HNRNPUL1: variants seen among roughly 807,000 people sequenced by gnomAD.
The protein encoded by HNRNPUL1 is heterogeneous nuclear ribonucleoprotein U like 1.
In HNRNPUL1, 14 loss-of-function variants were observed where a neutral mutation model predicts 108.5. The observed-to-expected ratio is 0.13, with a 90% confidence interval of 0.09 to 0.20. The LOEUF is 0.20. HNRNPUL1 is among the 10% of genes least tolerant of loss of function. HNRNPUL1 has a pLI of 1.00. For missense variants in HNRNPUL1, 804 were observed against 1,168.3 expected (o/e 0.69, Z 4.55); for synonymous variants, 422 against 445.2 (o/e 0.95, Z 0.66).
rs758463831 is a variant in HNRNPUL1, at chr19:41,292,482, G to A, written c.1237G>A (p.Val413Ile). ...LPLSERIRGT[V>I]GPKSKAECEI... ...CCTTAGTGAGCGTATCCGGGGCACC[G>A]TTGGACCAAAGAGCAAGGCAGAATG... The change falls in exon 8 of 15, where the codon GTT becomes ATT. Residue 413 changes from valine to isoleucine, a missense_variant. Coordinates refer to ENST00000392006, the MANE Select transcript of HNRNPUL1 (RefSeq NM_007040.6). The surrounding 1 kb of genome is among the most constrained non-coding windows in gnomAD (Gnocchi z 4.1). The A allele has an allele frequency of 1.9e-5, 30 of 1,613,058 alleles. No homozygotes were observed. Among genetic ancestry groups the A allele is most frequent in the Non-Finnish European group, 2.5e-5 (30 of 1,179,176 alleles).
At chr19:41,306,254 C>G (rs1284700733) in intron 14 of HNRNPUL1, among the ~76,000 whole-genome samples, 195 bp from the exon 15 acceptor site, 1 of 152,226 alleles carries the variant, frequency 6.6e-6, no homozygotes, top group Non-Finnish European at 1.5e-5. Context: ...CAAGCTGAGA[C>G]CTGGGCTTCA....
intron 7 of HNRNPUL1, chr19:41,286,406 CTTCTT>C (rs1465778691): frequency 3.9e-5 from 6 of 151,962 alleles, no homozygotes; most frequent in African/African-American, 7.3e-5. Context: ...GTCTGTATTC[CTTCTT>C]TTCTTTTTTT....
intron 12 of HNRNPUL1, 50 bp downstream of exon 12, chr19:41,302,999 G>A: frequency 1.3e-6 from 2 of 1,499,860 alleles, no homozygotes; most frequent in Non-Finnish European, 1.8e-6. Context: ...CCAGGTTGGG[G>A]CTGGGCTTTG....
chr19:41,298,982 A>G (rs1256977095), intron 10 of HNRNPUL1: 1 of 151,642 alleles, frequency 6.6e-6, no homozygotes, highest in Non-Finnish European at 1.5e-5. Flanking sequence ...GCACCTACCT[A>G]CTCTGAGCTT....
chr19:41,304,965 T>C (rs1008274686), intron 13 of HNRNPUL1, among the ~76,000 whole-genome samples: 1 of 152,190 alleles, frequency 6.6e-6, no homozygotes, highest in Non-Finnish European at 1.5e-5. Context: ...ACATCCTGTT[T>C]CTGTGAGCTT....
At chr19:41,282,405 C>G (rs1349086877) in intron 7 of HNRNPUL1, among the ~76,000 whole-genome samples, 1 of 152,286 alleles carries the variant, frequency 6.6e-6, no homozygotes, top group South Asian at 2.1e-4. Context: ...TGGTCTCGAA[C>G]TCCCGACCTC....
At chr19:41,305,926 G>A (rs911869400) in intron 14 of HNRNPUL1, 59 bp downstream of exon 14, 1 of 1,188,576 alleles carries the variant, frequency 8.4e-7, no homozygotes, top group Non-Finnish European at 1.2e-6. Context: ...CCTCCTGGGT[G>A]TGTATTCCCA....
intron 7 of HNRNPUL1, among the ~76,000 whole-genome samples, chr19:41,283,302 C>G (rs2036013669): frequency 6.6e-6 from 1 of 151,990 alleles, no homozygotes; most frequent in African/African-American, 2.4e-5. Context: ...TTTTTGAAGA[C>G]AGATTATTTT....
intron 7 of HNRNPUL1, among the ~76,000 whole-genome samples, chr19:41,289,460 G>C (rs990972942): frequency 7.2e-5 from 11 of 152,154 alleles, no homozygotes; most frequent in African/African-American, 2.2e-4. Context: ...GAGACACCAG[G>C]CTATAAAAAT....
At chr19:41,304,297 G>A (rs769508492) in intron 13 of HNRNPUL1, 36 bp downstream of exon 13, 84 of 1,549,472 alleles carry the variant, frequency 5.4e-5, no homozygotes, top group South Asian at 4.5e-4. Context: ...TGTAGTGATC[G>A]CACGTGTGCT....
chr19:41,276,557 C>A, intron 5 of HNRNPUL1: 1 of 359,190 alleles, frequency 2.8e-6, no homozygotes, highest in Non-Finnish European at 5.1e-6. Context: ...ATGTAGTCAA[C>A]CAGTGTAGTG....
intron 4 of HNRNPUL1, among the ~76,000 whole-genome samples, chr19:41,274,696 C>T (rs1381290563): frequency 1.3e-5 from 2 of 152,204 alleles, no homozygotes; most frequent in African/African-American, 4.8e-5. Context: ...TTTTTACATG[C>T]ACCCAGAAGC....
At chr19:41,280,357 T>C (rs1432935611) in intron 6 of HNRNPUL1, among the ~76,000 whole-genome samples, 1 of 152,048 alleles carries the variant, frequency 6.6e-6, no homozygotes, top group African/African-American at 2.4e-5. Context: ...CATAAATTGG[T>C]ACCTCCTCAA....
rs368487809 is a variant in HNRNPUL1, at chr19:41,268,287, C to T, written c.360C>T (p.Asn120=). The change falls in exon 2 of 15, where the codon AAC becomes AAT. Residue 120 remains asparagine (N), a synonymous_variant. Transcript: ENST00000392006. The part of the protein sequence containing the change: ...FYDTQVIKQE[N]ESGYERRPLE... ...ATACCCAAGTCATCAAACAAGAAAA[C>T]GAGTCAGGCTACGAGAGGAGACCAC... 16 of 1,613,828 alleles carry T rather than the reference C, an allele frequency of 9.9e-6. No homozygotes were observed. Among genetic ancestry groups the T allele is most frequent in the Admixed American group, 1.7e-5 (1 of 59,978 alleles).
rs1212190250 is a variant in HNRNPUL1 at position 41,265,958 on chromosome 19, G to A, written c.295+1160G>A. On this transcript the variant is annotated intron_variant, in intron 1 of 14. Coordinates refer to ENST00000392006, the MANE Select transcript of HNRNPUL1 (RefSeq NM_007040.6). The stretch of plus-strand genomic sequence containing the variant: ...TTTCTGGACCTGAGCGTCTCCAGGA[G>A]AAATCTCGACGGTTCCCAGAAGCAG... Among the ~76,000 whole-genome samples, 4 of 152,226 alleles carry A rather than the reference G, an allele frequency of 2.6e-5. No homozygotes were observed. In the East Asian group the frequency reaches 7.7e-4, roughly 29 times the overall value.
At chr19:41,281,337 C>A in intron 7 of HNRNPUL1, 62 bp downstream of exon 7, 1 of 1,065,388 alleles carries the variant, frequency 9.4e-7, no homozygotes, top group Non-Finnish European at 1.5e-6. Flanking sequence ...ACTTCTTTTT[C>A]AGGATACCTC....
At position 41,271,637 on chromosome 19, in the gene HNRNPUL1, C is replaced by G. The variant is rs376299061; in HGVS notation, c.419-445C>G. On this transcript the variant is annotated intron_variant, in intron 2 of 14. Coordinates refer to ENST00000392006, the MANE Select transcript of HNRNPUL1 (RefSeq NM_007040.6). ...TACCCGTGGTCCACAGCACGGTATCCCATCCTGACTTTCTGTTAATGGTAT... is the reference window on the plus strand; with the variant it reads ...TACCCGTGGTCCACAGCACGGTATCGCATCCTGACTTTCTGTTAATGGTAT... 5.9e-5 allele frequency among the ~76,000 whole-genome samples: 9 copies of G among 152,250 alleles called. 1 individual carries two copies. Among genetic ancestry groups the G allele is most frequent in the African/African-American group, 2.2e-4 (9 of 41,544 alleles).
At chr19:41,269,703 T>C (rs1332362521) in intron 2 of HNRNPUL1, among the ~76,000 whole-genome samples, 1 of 144,546 alleles carries the variant, frequency 6.9e-6, no homozygotes, top group Non-Finnish European at 1.5e-5. Context: ...CTCAGAAGAC[T>C]GAGTCAGGAG....
chr19:41,291,403 A>G (rs2036568589), intron 7 of HNRNPUL1, among the ~76,000 whole-genome samples: 1 of 152,192 alleles, frequency 6.6e-6, no homozygotes, highest in Non-Finnish European at 1.5e-5. Flanking sequence ...CTCAGTTCGA[A>G]AAGGCCCTGC....
Sources: allele counts gnomAD v4.1 joint callset (sites outside exome capture counted in the v4.1 genomes callset), GRCh38; gene constraint gnomAD v4.1.1; non-coding constraint Gnocchi (gnomAD v3.1); transcripts MANE v1.5; gene names NCBI Gene and HGNC (gene_info 2026-07-23, HGNC 2026-07-21).